Variants in AGBL1 observed in about 807,000 individuals in gnomAD.
The protein encoded by AGBL1 is cytosolic carboxypeptidase 4.
AGBL1 carries 130 observed loss-of-function variants against 118.9 expected under a neutral mutation model. The observed-to-expected ratio is 1.09, with a 90% CI of 0.95 to 1.26. The LOEUF (loss-of-function observed/expected upper bound fraction) is 1.26, where lower values mean the gene tolerates loss of function less well. AGBL1 is among the 50% of genes most tolerant of loss of function. AGBL1 has a pLI of 0.00. For synonymous variants in AGBL1, 555 were observed against 478.9 expected (o/e 1.16, Z -2.08); for missense variants, 1,584 against 1,298.1 (o/e 1.22, Z -3.38).
intron 1 of AGBL1, among the ~76,000 whole-genome samples, chr15:86,131,370 A>T (rs1676339674): frequency 6.6e-6 from 1 of 152,244 alleles, no homozygotes. Flanking sequence ...TTTTAAAATC[A>T]TCACAGTTTG....
At chr15:86,931,169 C>T (rs1054632120) in intron 23 of AGBL1, among the ~76,000 whole-genome samples, 2 of 152,200 alleles carry the variant, frequency 1.3e-5, no homozygotes, top group Non-Finnish European at 2.9e-5. Context: ...TAACCAATTG[C>T]AAATCAGAAA....
At chr15:86,849,805 T>A (rs1336371743) in intron 22 of AGBL1, among the ~76,000 whole-genome samples, 1 of 152,220 alleles carries the variant, frequency 6.6e-6, no homozygotes, top group Non-Finnish European at 1.5e-5. Flanking sequence ...CTGGGTAGCA[T>A]TCAGGACAGC....
intron 18 of AGBL1, among the ~76,000 whole-genome samples, chr15:86,402,432 T>G (rs1323907424): frequency 6.6e-6 from 1 of 152,116 alleles, no homozygotes; most frequent in Non-Finnish European, 1.5e-5. Flanking sequence ...ATTTACAGAT[T>G]TGGATGCCCT....
At chr15:86,479,837 A>T (rs2082624834) in intron 18 of AGBL1, among the ~76,000 whole-genome samples, 1 of 152,174 alleles carries the variant, frequency 6.6e-6, no homozygotes. Flanking sequence ...AACCAACCCA[A>T]ATGTCCAAAA....
At chr15:86,996,896 G>A (rs1409337029) in intron 24 of AGBL1, among the ~76,000 whole-genome samples, 5 of 151,866 alleles carry the variant, frequency 3.3e-5, no homozygotes, top group Non-Finnish European at 7.4e-5. Flanking sequence ...ATTTTGTTTT[G>A]CTCCCTTTTA....
At chr15:86,466,656 G>A (rs1353302662) in intron 18 of AGBL1, among the ~76,000 whole-genome samples, 1 of 152,220 alleles carries the variant, frequency 6.6e-6, no homozygotes, top group East Asian at 1.9e-4. Flanking sequence ...TTTGCTGTTG[G>A]TGACCTTCAG....
chr15:86,770,966 C>A (rs780023291), intron 22 of AGBL1, among the ~76,000 whole-genome samples: 6 of 152,026 alleles, frequency 3.9e-5, no homozygotes, highest in Non-Finnish European at 7.4e-5. Context: ...GAGTGCAGTC[C>A]TGGACTATTG....
intron 21 of AGBL1, among the ~76,000 whole-genome samples, chr15:86,606,454 G>A (rs967902577): frequency 2.0e-5 from 3 of 152,152 alleles, no homozygotes; most frequent in Non-Finnish European, 2.9e-5. Context: ...ATATAAAGAC[G>A]CTGTTTATTG....
At chr15:86,596,295 C>G (rs1434998902) in intron 21 of AGBL1, among the ~76,000 whole-genome samples, 2 of 152,120 alleles carry the variant, frequency 1.3e-5, no homozygotes, top group East Asian at 1.9e-4. Flanking sequence ...CCCATATCCT[C>G]TTTTGCTAGG....
chr15:86,520,094 C>T (rs2083167388), intron 18 of AGBL1, among the ~76,000 whole-genome samples: 1 of 152,062 alleles, frequency 6.6e-6, no homozygotes, highest in Non-Finnish European at 1.5e-5. Flanking sequence ...TCCATTCACC[C>T]TGCATATAGC....
chr15:86,845,682 C>T (rs2079308004), intron 22 of AGBL1, among the ~76,000 whole-genome samples: 1 of 152,098 alleles, frequency 6.6e-6, no homozygotes, highest in African/African-American at 2.4e-5. Context: ...TGATAGAGCA[C>T]CAGTGAAGCC....
intron 5 of AGBL1, among the ~76,000 whole-genome samples, chr15:86,167,299 G>T (rs944864388): frequency 2.0e-5 from 3 of 150,944 alleles, no homozygotes; most frequent in Non-Finnish European, 4.4e-5. Flanking sequence ...AGGCTGGAGT[G>T]CAGTGGCCTG....
At chr15:86,871,101 C>T (rs1427876328) in intron 22 of AGBL1, among the ~76,000 whole-genome samples, 1 of 152,186 alleles carries the variant, frequency 6.6e-6, no homozygotes. Context: ...ATCTGAGTGA[C>T]TTAGCCAGGA....
At position 86,907,756 on chromosome 15, in the gene AGBL1, C is replaced by A. The variant is rs1472567161; in HGVS notation, c.*462C>A. 2 of 152,164 alleles carry A rather than the reference C, an allele frequency of 1.3e-5. No homozygotes were observed. The highest frequency in any genetic ancestry group is 4.8e-5 in the African/African-American group (2 of 41,440). 9.4% of individuals were successfully genotyped at this position (152,164 alleles called of 1,614,324 possible). On this transcript the variant is annotated 3_prime_UTR_variant, in exon 23 of 23. Transcript: ENST00000614907. The stretch of plus-strand genomic sequence containing the variant: ...ATCTCCCCACCATAGCATTTGAGCA[C>A]CCCAGAACAAACCACTGAGACTCTG...
intron 17 of AGBL1, among the ~76,000 whole-genome samples, chr15:86,307,275 T>A (rs2079855329): frequency 6.6e-6 from 1 of 152,226 alleles, no homozygotes; most frequent in Admixed American, 6.5e-5. Context: ...TTAGATGATT[T>A]GTTCTATAAA....
At chr15:86,310,942 G>A (rs983476588) in intron 17 of AGBL1, among the ~76,000 whole-genome samples, 2 of 152,182 alleles carry the variant, frequency 1.3e-5, no homozygotes, top group African/African-American at 2.4e-5. Context: ...TGTGAATTAA[G>A]AGTAAAGACC....
At chr15:86,879,164 C>G (rs146932795) in intron 22 of AGBL1, among the ~76,000 whole-genome samples, 57 of 152,316 alleles carry the variant, frequency 3.7e-4, no homozygotes, top group African/African-American at 1.3e-3. Flanking sequence ...CCCATTCATC[C>G]TCTCTTTGGC....
intron 24 of AGBL1, among the ~76,000 whole-genome samples, chr15:87,027,220 C>A (rs183448935): frequency 8.4e-4 from 127 of 152,010 alleles, no homozygotes; most frequent in Non-Finnish European, 1.3e-3. Flanking sequence ...GAAATCAAAA[C>A]CACAATGAGA....
intron 24 of AGBL1, among the ~76,000 whole-genome samples, chr15:87,010,709 C>T (rs1256129839): frequency 2.0e-5 from 3 of 152,206 alleles, no homozygotes; most frequent in African/African-American, 7.2e-5. Flanking sequence ...TAGACTTGGA[C>T]TAAGCTATGC....
Sources: gnomAD v4.1 joint callset for allele counts (sites outside exome capture counted in the v4.1 genomes callset) on GRCh38, gnomAD v4.1.1 for gene constraint, MANE v1.5 for transcripts, NCBI Gene and HGNC (gene_info 2026-07-23, HGNC 2026-07-21) for gene names.